Variants in PID1 observed in about 807,000 individuals in gnomAD.
The protein encoded by PID1 is phosphotyrosine interaction domain containing 1.
Under a neutral mutation model 19.1 loss-of-function variants are expected in PID1, and 10 were observed. The ratio of observed to expected loss-of-function variants is 0.52; its 90% CI spans 0.32 to 0.89. The LOEUF (loss-of-function observed/expected upper bound fraction) is 0.89. Among genes scored for constraint, PID1 ranks in the 40% least tolerant of loss-of-function variants. The pLI is 0.03. For synonymous variants in PID1, 130 were observed against 116.0 expected (o/e 1.12, Z -0.78); for missense variants, 248 against 285.3 (o/e 0.87, Z 0.94).
At chr2:229,026,310 A>G (rs1274504964) in intron 2 of PID1, among the ~76,000 whole-genome samples, 1 of 152,188 alleles carries the variant, frequency 6.6e-6, no homozygotes, top group Admixed American at 6.5e-5. Flanking sequence ...AATGTATTGA[A>G]ATTATTTGAA....
chr2:229,162,867 T>C (rs1690517189), intron 1 of PID1, among the ~76,000 whole-genome samples: 2 of 152,230 alleles, frequency 1.3e-5, no homozygotes, highest in South Asian at 4.1e-4. Flanking sequence ...TAAGATATCT[T>C]GCTTATTCTT....
chr2:229,026,504 C>G (rs1244464164), intron 2 of PID1, among the ~76,000 whole-genome samples: 1 of 152,240 alleles, frequency 6.6e-6, no homozygotes, highest in Non-Finnish European at 1.5e-5. Flanking sequence ...AGGAAGGAAT[C>G]AAAAGGACAC....
intron 1 of PID1, among the ~76,000 whole-genome samples, chr2:229,169,759 A>G (rs1437855325): frequency 6.6e-6 from 1 of 152,184 alleles, no homozygotes; most frequent in Admixed American, 6.5e-5. Flanking sequence ...ATCCTCCCTG[A>G]CAAATAAATG....
intron 1 of PID1, among the ~76,000 whole-genome samples, chr2:229,178,335 G>A (rs1372805760): frequency 1.3e-5 from 2 of 152,162 alleles, no homozygotes; most frequent in Non-Finnish European, 2.9e-5. Context: ...GGCATCTCCT[G>A]GGTGTGTCCC....
intron 2 of PID1, among the ~76,000 whole-genome samples, chr2:229,069,196 A>G (rs1376430176): frequency 2.3e-5 from 3 of 130,722 alleles, no homozygotes; most frequent in Non-Finnish European, 4.9e-5. Flanking sequence ...GGGAGCAAGT[A>G]GGGTCAGGTA....
chr2:229,186,594 G>A (rs1410339185), intron 1 of PID1, among the ~76,000 whole-genome samples: 6 of 152,162 alleles, frequency 3.9e-5, no homozygotes, highest in Non-Finnish European at 8.8e-5. Flanking sequence ...TAGGACACAG[G>A]GCACCAAGTC....
intron 2 of PID1, among the ~76,000 whole-genome samples, chr2:229,042,923 T>C (rs1052641925): frequency 1.3e-5 from 2 of 152,026 alleles, no homozygotes; most frequent in African/African-American, 4.8e-5. Flanking sequence ...AGTTTCCTAT[T>C]AGATTTTTTT....
Position 229,265,991 on chromosome 2 carries a change from G to A in PID1, c.30+5023C>T, listed in dbSNP as rs570061453. 7.2e-5 allele frequency among the ~76,000 whole-genome samples: 11 copies of A among 152,272 alleles called. No homozygotes were observed. The South Asian group carries it at 1.9e-3, about 26-fold the overall frequency. ...TTCCCAGGCTAGGATTTTGCAAATC[G>A]CTTGAAAGAGATTTGCTGACAAACT... is the stretch of plus-strand genomic sequence containing the variant. On this transcript the variant is annotated intron_variant, in intron 1 of 2. Coordinates refer to ENST00000392055, the MANE Select transcript of PID1 (RefSeq NM_001100818.2).
At chr2:229,134,369 A>T (rs956954350) in intron 2 of PID1, among the ~76,000 whole-genome samples, 2 of 148,752 alleles carry the variant, frequency 1.3e-5, no homozygotes, top group Non-Finnish European at 3.0e-5. Context: ...CCTCCCAAGT[A>T]GCTGGGGCTA....
intron 2 of PID1, among the ~76,000 whole-genome samples, chr2:229,029,695 C>G (rs2106163749): frequency 6.6e-6 from 1 of 151,954 alleles, no homozygotes; most frequent in East Asian, 1.9e-4. Flanking sequence ...CAGAAATTAG[C>G]CAGGCATGAT....
chr2:229,180,781 C>T (rs1225324216), intron 1 of PID1, among the ~76,000 whole-genome samples: 4 of 152,244 alleles, frequency 2.6e-5, no homozygotes, highest in Non-Finnish European at 4.4e-5. Flanking sequence ...ACGCCCATCT[C>T]CGCCACTCCG....
rs763613380 is a variant in PID1 at position 229,025,906 on chromosome 2, G to T, written c.380C>A (p.Thr127Asn). Residue 127 changes from threonine to asparagine, a missense_variant, in exon 3 of 3, where the codon ACC (threonine) becomes AAC (asparagine). By Grantham distance (65) the Thr-to-Asn change is moderately conservative. Transcript: ENST00000392055. The part of the protein sequence containing the change: ...HKGEATVHMD[T>N]FQVARIAYCT... The stretch of plus-strand genomic sequence containing the variant: ...GTAGGCGATGCGGGCCACCTGGAAG[G>T]TATCCATGTGCACTGTGGCCTCCCC... 6.2e-7 allele frequency: 1 copy of T among 1,614,226 alleles called. No homozygotes were observed. Among genetic ancestry groups the T allele is most frequent in the African/African-American group, 1.3e-5 (1 of 75,060 alleles).
chr2:229,061,542 T>G (rs995157498), intron 2 of PID1, among the ~76,000 whole-genome samples: 5 of 152,088 alleles, frequency 3.3e-5, no homozygotes, highest in Non-Finnish European at 7.4e-5. Context: ...GATAGTGTGA[T>G]GCATCCAGTT....
chr2:229,055,708 C>G (rs73998534), intron 2 of PID1, among the ~76,000 whole-genome samples: 13 of 152,178 alleles, frequency 8.5e-5, no homozygotes, highest in Admixed American at 2.6e-4. Context: ...AACAAACTTA[C>G]AAAGATATCT....
chr2:229,170,974 AT>A (rs1173642665), intron 1 of PID1, among the ~76,000 whole-genome samples: 1 of 152,244 alleles, frequency 6.6e-6, no homozygotes. Context: ...AATGTTATGA[AT>A]TTAAGAATCC....
chr2:229,147,101 A>G (rs1690151614), intron 2 of PID1, among the ~76,000 whole-genome samples: 1 of 152,218 alleles, frequency 6.6e-6, no homozygotes, highest in South Asian at 2.1e-4. Context: ...GAGTAGGTTT[A>G]CAATTACTAT....
At chr2:229,226,818 T>A (rs1044341164) in intron 1 of PID1, among the ~76,000 whole-genome samples, 3 of 152,218 alleles carry the variant, frequency 2.0e-5, no homozygotes, top group Non-Finnish European at 4.4e-5. Context: ...ATTTACAGTT[T>A]ATACAACAGC....
chr2:229,197,480 G>A (rs979321095), intron 1 of PID1, among the ~76,000 whole-genome samples: 15 of 151,914 alleles, frequency 9.9e-5, no homozygotes, highest in African/African-American at 3.4e-4. Flanking sequence ...CTTAAAAATA[G>A]TAATTCAGGT....
intron 2 of PID1, among the ~76,000 whole-genome samples, chr2:229,034,117 C>T (rs935676061): frequency 2.0e-5 from 3 of 152,062 alleles, no homozygotes; most frequent in African/African-American, 4.8e-5. Flanking sequence ...CTTTAAGCCA[C>T]GAAGAAGGTA....
Sources: allele counts gnomAD v4.1 joint callset (sites outside exome capture counted in the v4.1 genomes callset), GRCh38; gene constraint gnomAD v4.1.1; transcripts MANE v1.5; gene names NCBI Gene and HGNC (gene_info 2026-07-23, HGNC 2026-07-21).